The following NUP133 variants were observed in gnomAD, a reference collection of about 807,000 sequenced individuals.
NUP133 encodes nuclear pore complex protein Nup133.
Under a neutral mutation model 146.2 loss-of-function variants are expected in NUP133, and 66 were observed. The observed-to-expected ratio is 0.45, with a 90% CI of 0.37 to 0.55. The LOEUF is 0.55. Among genes scored for constraint, NUP133 ranks in the 20% least tolerant of loss-of-function variants. The probability of loss-of-function intolerance (pLI) is 0.00; values close to 1 mark genes in which losing one functional copy is unlikely to be tolerated. For synonymous variants in NUP133, 521 were observed against 498.8 expected (o/e 1.04, Z -0.59); for missense variants, 1,277 against 1,374.8 (o/e 0.93, Z 1.12).
intron 15 of NUP133, among the ~76,000 whole-genome samples, chr1:229,468,408 TA>T (rs1395427187): frequency 1.3e-5 from 2 of 152,194 alleles, no homozygotes; most frequent in African/African-American, 4.8e-5. Context: ...AAAACCTTTA[TA>T]ACTACACCCC....
chr1:229,463,364 C>T (rs1308673955), intron 19 of NUP133, among the ~76,000 whole-genome samples, 179 bp downstream of exon 19: 3 of 152,050 alleles, frequency 2.0e-5, no homozygotes, highest in Admixed American at 6.6e-5. Flanking sequence ...ACTGTGATCT[C>T]GCTACTGGAC....
intron 2 of NUP133, among the ~76,000 whole-genome samples, chr1:229,503,363 T>C (rs1278901677): frequency 2.0e-5 from 3 of 152,134 alleles, no homozygotes; most frequent in Non-Finnish European, 4.4e-5. Context: ...ATTAACTATA[T>C]AAAACATTTC....
intron 13 of NUP133, among the ~76,000 whole-genome samples, chr1:229,476,191 G>A (rs529981968): frequency 1.2e-4 from 18 of 152,004 alleles, no homozygotes; most frequent in Non-Finnish European, 2.2e-4. Flanking sequence ...ACGTTACTCA[G>A]GAGTTTTAAA....
intron 20 of NUP133, among the ~76,000 whole-genome samples, chr1:229,459,221 T>C (rs571699231): frequency 1.1e-4 from 17 of 152,064 alleles, no homozygotes; most frequent in Non-Finnish European, 2.5e-4. Flanking sequence ...TATTGTGCAA[T>C]GTATATAAAA....
At position 229,452,651 on chromosome 1, in the gene NUP133, T is replaced by G. The variant is rs1249294464; in HGVS notation, c.2981-8A>C. The G allele has an allele frequency of 6.3e-7, 1 of 1,592,266 alleles. No homozygotes were observed. Among genetic ancestry groups the G allele is most frequent in the Non-Finnish European group, 8.6e-7 (1 of 1,163,582 alleles). ...GCTCCTGCTCAGCCATTTCTAGTAT[T>G]CAAGATGAGAGGGAGGGAAAGAGAA... is the stretch of plus-strand genomic sequence containing the variant. On this transcript the variant is annotated splice_region_variant and splice_polypyrimidine_tract_variant and intron_variant, in intron 21 of 25. Transcript: ENST00000261396.
chr1:229,486,687 G>A (rs56273217), intron 10 of NUP133, among the ~76,000 whole-genome samples, 159 bp from the exon 11 acceptor site: 1 of 152,040 alleles, frequency 6.6e-6, no homozygotes, highest in Non-Finnish European at 1.5e-5. Context: ...TTACATCCCA[G>A]AATCAAATGC....
intron 12 of NUP133, among the ~76,000 whole-genome samples, chr1:229,482,461 C>G (rs1257716425): frequency 1.3e-5 from 2 of 152,172 alleles, no homozygotes; most frequent in Non-Finnish European, 2.9e-5. Flanking sequence ...CAGAAATGTT[C>G]AGCATCTGTC....
intron 8 of NUP133, among the ~76,000 whole-genome samples, chr1:229,494,214 A>G (rs1320269828): frequency 6.6e-6 from 1 of 152,230 alleles, no homozygotes; most frequent in East Asian, 1.9e-4. Flanking sequence ...CATTTCCAAA[A>G]GTCTGGTAAA....
chr1:229,500,878 C>T lies in NUP133; in HGVS notation c.406-15G>A. 1 of 1,545,012 alleles carries T rather than the reference C, an allele frequency of 6.5e-7. No homozygotes were observed. The highest frequency in any genetic ancestry group is 8.9e-7 in the Non-Finnish European group (1 of 1,124,394). On this transcript the variant is annotated splice_polypyrimidine_tract_variant and intron_variant, in intron 3 of 25. Transcript: ENST00000261396. ...CAAACGGATAACTGTAGAACAAACC[C>T]AAACAGAAAATCTTTCACATCAAAT... is the stretch of plus-strand genomic sequence containing the variant.
At chr1:229,483,696 C>CAAAAA (rs35673633) in intron 12 of NUP133, among the ~76,000 whole-genome samples, 4 of 57,528 alleles carry the variant, frequency 7.0e-5, no homozygotes, top group Admixed American at 2.3e-4. Flanking sequence ...CGGAGTGTCT[C>CAAAAA]AAAAAAAAAA....
At position 229,466,726 on chromosome 1, in the gene NUP133, A is replaced by G; in HGVS notation, c.2107T>C (p.Leu703=). Residue 703 remains leucine (L), a synonymous_variant, in exon 16 of 26, where the codon TTA becomes CTA. Transcript: ENST00000261396. Reference sequence around the variant, plus strand: ...AAGACTTGCTCCTCATGCTCCAGTAAGCACTCACAGATGGTATCTACTTGG... The same window carrying G: ...AAGACTTGCTCCTCATGCTCCAGTAGGCACTCACAGATGGTATCTACTTGG... ...VSQVDTICEC[L]LEHEEQVLRD... 1 of 1,614,088 alleles carries G rather than the reference A, an allele frequency of 6.2e-7. No individual in the cohort carries two copies. The highest frequency in any genetic ancestry group is 8.5e-7 in the Non-Finnish European group (1 of 1,179,954).
chr1:229,495,643 G>C, intron 7 of NUP133, 78 bp from the exon 8 acceptor site: 1 of 1,098,424 alleles, frequency 9.1e-7, no homozygotes, highest in Non-Finnish European at 1.3e-6. Context: ...CTAGTACCTA[G>C]TGAAGTGCTT....
chr1:229,449,871 ATATTTTTT>A (rs1660404602), intron 23 of NUP133, among the ~76,000 whole-genome samples: 2 of 102,036 alleles, frequency 2.0e-5, no homozygotes, highest in African/African-American at 8.9e-5. Context: ...ATATATATAT[ATATTTTTT>A]TTTTTTTTTT....
At chr1:229,468,817 C>G (rs1326761520) in intron 15 of NUP133, among the ~76,000 whole-genome samples, 1 of 152,198 alleles carries the variant, frequency 6.6e-6, no homozygotes, top group Admixed American at 6.5e-5. Flanking sequence ...TTTGTTAGAT[C>G]ATGAAACTTG....
chr1:229,458,162 T>C lies in NUP133; in HGVS notation c.2979A>G (p.Glu993=). The change falls in exon 21 of 26, where the codon GAA becomes GAG. Residue 993 remains glutamate (E), a splice_region_variant and synonymous_variant. Coordinates refer to ENST00000261396, the MANE Select transcript of NUP133 (RefSeq NM_018230.3). The part of the protein sequence containing the change: ...FSEDMLQEKI[E]EMAEQERFLL... Reference sequence around the variant, plus strand: ...ATCCTTTTGCTCAAATTCTTTCACCTTCAATTTTTTCTTGTAGCATATCCT... The same window carrying C: ...ATCCTTTTGCTCAAATTCTTTCACCCTCAATTTTTTCTTGTAGCATATCCT... 6.2e-7 allele frequency: 1 copy of C among 1,608,152 alleles called. No individual in the cohort carries two copies. Among genetic ancestry groups the C allele is most frequent in the Non-Finnish European group, 8.5e-7 (1 of 1,176,730 alleles).
intron 21 of NUP133, among the ~76,000 whole-genome samples, chr1:229,457,287 G>T (rs890823845): frequency 6.6e-6 from 1 of 152,068 alleles, no homozygotes; most frequent in Non-Finnish European, 1.5e-5. Context: ...ATTCTATCTG[G>T]TATTTCCAAT....
chr1:229,495,464 CTA>C (rs751725740), intron 8 of NUP133, 29 bp downstream of exon 8: 2 of 1,510,752 alleles, frequency 1.3e-6, no homozygotes, highest in Non-Finnish European at 1.8e-6. Context: ...AAACTCTTCT[CTA>C]TGTTCTTTAC....
At chr1:229,484,789 AAT>A (rs1661307056) in intron 11 of NUP133, among the ~76,000 whole-genome samples, 1 of 152,176 alleles carries the variant, frequency 6.6e-6, no homozygotes, top group South Asian at 2.1e-4. Flanking sequence ...ACAATTACAA[AAT>A]AGATATTAAT....
At chr1:229,447,459 C>G (rs553878395) in intron 24 of NUP133, among the ~76,000 whole-genome samples, 2 of 151,986 alleles carry the variant, frequency 1.3e-5, no homozygotes, top group South Asian at 4.2e-4. Context: ...TTAGGATCTC[C>G]ATAGATGTCT....
Sources: gnomAD v4.1 joint callset for allele counts (sites outside exome capture counted in the v4.1 genomes callset) on GRCh38, gnomAD v4.1.1 for gene constraint, MANE v1.5 for transcripts, NCBI Gene and HGNC (gene_info 2026-07-23, HGNC 2026-07-21) for gene names.